SLC24A2: variants seen among roughly 807,000 people sequenced by gnomAD.
SLC24A2 encodes the protein sodium/potassium/calcium exchanger 2.
In SLC24A2, 36 loss-of-function variants were observed where a neutral mutation model predicts 62.0. The ratio of observed to expected loss-of-function variants is 0.58; its 90% confidence interval spans 0.44 to 0.77. SLC24A2 has a LOEUF of 0.77. SLC24A2 is among the 30% of genes least tolerant of loss of function. The pLI is 0.00. For missense variants in SLC24A2, 846 were observed against 817.9 expected, an observed-to-expected ratio of 1.03 and a Z score of -0.42; for synonymous variants, 358 against 294.0, an observed-to-expected ratio of 1.22 and a Z score of -2.23.
chr9:19,546,974 G>A (rs567816778), intron 8 of SLC24A2, among the ~76,000 whole-genome samples: 7 of 152,118 alleles, frequency 4.6e-5, no homozygotes, highest in South Asian at 4.2e-4. Context: ...TGGGTGAGGC[G>A]ACACCCCACA....
the SLC24A2 span, among the ~76,000 whole-genome samples, chr9:19,848,516 A>G: frequency 6.6e-6 from 1 of 152,204 alleles, no homozygotes; most frequent in Non-Finnish European, 1.5e-5. Context: ...TATGTATAGT[A>G]TATGTAAAGT....
At chr9:19,980,873 A>G in the SLC24A2 span, among the ~76,000 whole-genome samples, 6 of 152,292 alleles carry the variant, frequency 3.9e-5, no homozygotes, top group African/African-American at 1.4e-4. Context: ...CTTTGAGTGA[A>G]GGAAGCCTCT....
the SLC24A2 span, among the ~76,000 whole-genome samples, chr9:20,029,543 C>T: frequency 2.0e-5 from 3 of 152,158 alleles, no homozygotes; most frequent in Non-Finnish European, 4.4e-5. Context: ...ATTCTCACCC[C>T]ACAGTACTGA....
At chr9:19,578,120 T>G (rs1473479727) in intron 5 of SLC24A2, among the ~76,000 whole-genome samples, 1 of 151,580 alleles carries the variant, frequency 6.6e-6, no homozygotes, top group East Asian at 1.9e-4. Context: ...GATAAAGGAC[T>G]ACAAATATGG....
At chr9:19,975,060 A>T in the SLC24A2 span, among the ~76,000 whole-genome samples, 1 of 152,148 alleles carries the variant, frequency 6.6e-6, no homozygotes, top group South Asian at 2.1e-4. Flanking sequence ...ACTGGGTCAC[A>T]TGGTCATCCC....
At chr9:19,576,896 T>C in intron 6 of SLC24A2, 28 bp downstream of exon 6, 2 of 1,540,130 alleles carry the variant, frequency 1.3e-6, no homozygotes, top group South Asian at 2.2e-5. Context: ...CCAGGAAAGG[T>C]ATGGGGTGGA....
At chr9:19,553,965 C>G (rs1834963565) in intron 7 of SLC24A2, among the ~76,000 whole-genome samples, 2 of 152,096 alleles carry the variant, frequency 1.3e-5, no homozygotes, top group African/African-American at 4.8e-5. Context: ...CTCCCCCACC[C>G]AAATTCATAT....
At chr9:19,945,536 C>A in the SLC24A2 span, among the ~76,000 whole-genome samples, 3 of 152,174 alleles carry the variant, frequency 2.0e-5, no homozygotes, top group African/African-American at 4.8e-5. Flanking sequence ...GGTAATTCTC[C>A]CTTTGCTATT....
the SLC24A2 span, among the ~76,000 whole-genome samples, chr9:19,986,371 G>T: frequency 6.6e-6 from 1 of 151,460 alleles, no homozygotes; most frequent in African/African-American, 2.4e-5. Flanking sequence ...GTACAAAACT[G>T]GCCGTTCCTC....
At chr9:19,698,199 T>C (rs1820247989) in intron 2 of SLC24A2, among the ~76,000 whole-genome samples, 1 of 152,128 alleles carries the variant, frequency 6.6e-6, no homozygotes, top group Non-Finnish European at 1.5e-5. Context: ...CATGATGCCA[T>C]AGATGAAAAA....
At chr9:19,843,028 T>C in the SLC24A2 span, among the ~76,000 whole-genome samples, 1 of 152,176 alleles carries the variant, frequency 6.6e-6, no homozygotes, top group Admixed American at 6.5e-5. Flanking sequence ...TGTACTTCTG[T>C]ATATATCCCG....
At chr9:19,973,690 C>G in the SLC24A2 span, among the ~76,000 whole-genome samples, 1 of 152,108 alleles carries the variant, frequency 6.6e-6, no homozygotes, top group Non-Finnish European at 1.5e-5. Flanking sequence ...TCATCAAATA[C>G]AAAGTAGAAG....
At chr9:20,172,388 A>G in the SLC24A2 span, among the ~76,000 whole-genome samples, 14 of 152,200 alleles carry the variant, frequency 9.2e-5, no homozygotes, top group Admixed American at 9.2e-4. Flanking sequence ...CAAAAACAAT[A>G]CAAAAGACAA....
At chr9:19,877,120 T>C in the SLC24A2 span, among the ~76,000 whole-genome samples, 1 of 151,778 alleles carries the variant, frequency 6.6e-6, no homozygotes, top group African/African-American at 2.4e-5. Context: ...AAGAAGGGCC[T>C]GAGACTGAGG....
the SLC24A2 span, among the ~76,000 whole-genome samples, chr9:20,288,443 G>A: frequency 6.6e-6 from 1 of 152,080 alleles, no homozygotes; most frequent in Non-Finnish European, 1.5e-5. Flanking sequence ...AGTGGGAGAG[G>A]AGGGAATGGG....
chr9:20,259,314 A>G, the SLC24A2 span, among the ~76,000 whole-genome samples: 1 of 152,212 alleles, frequency 6.6e-6, no homozygotes, highest in African/African-American at 2.4e-5. Flanking sequence ...AATTTGTTGC[A>G]TCAGCAATAG....
chr9:19,740,340 T>C (rs932408350), intron 2 of SLC24A2, among the ~76,000 whole-genome samples: 2 of 152,180 alleles, frequency 1.3e-5, no homozygotes, highest in African/African-American at 4.8e-5. Flanking sequence ...TGTACATCAA[T>C]GGTAGAATGG....
At chr9:20,286,544 T>A in the SLC24A2 span, among the ~76,000 whole-genome samples, 1 of 152,226 alleles carries the variant, frequency 6.6e-6, no homozygotes, top group African/African-American at 2.4e-5. Context: ...GAACTCCTGT[T>A]TACAGTTCAT....
chr9:20,266,509 C>T, the SLC24A2 span, among the ~76,000 whole-genome samples: 1 of 152,058 alleles, frequency 6.6e-6, no homozygotes, highest in Admixed American at 6.5e-5. Flanking sequence ...CCTTCGATAA[C>T]TGCTTTTCAA....
Sources: allele counts gnomAD v4.1 joint callset (sites outside exome capture counted in the v4.1 genomes callset), GRCh38; gene constraint gnomAD v4.1.1; transcripts MANE v1.5; gene names NCBI Gene and HGNC (gene_info 2026-07-23, HGNC 2026-07-21).